The following PTPRC variants were observed in gnomAD, a reference collection of about 807,000 sequenced individuals.
The protein encoded by PTPRC is protein tyrosine phosphatase receptor type C.
In PTPRC, 44 loss-of-function variants were observed where a neutral mutation model predicts 155.9. The observed-to-expected ratio is 0.28, with a 90% CI of 0.22 to 0.36. PTPRC has a LOEUF of 0.36. PTPRC is among the 10% of genes least tolerant of loss of function. PTPRC has a pLI of 1.00. For synonymous variants in PTPRC, 525 were observed against 533.1 expected, an observed-to-expected ratio of 0.98 and a Z score of 0.21; for missense variants, 1,401 against 1,564.6, an observed-to-expected ratio of 0.90 and a Z score of 1.76.
At chr1:198,653,884 T>C (rs1181695041) in intron 2 of PTPRC, among the ~76,000 whole-genome samples, 2 of 151,918 alleles carry the variant, frequency 1.3e-5, no homozygotes, top group Non-Finnish European at 2.9e-5. Flanking sequence ...ATTTTGTCCA[T>C]GAATTTTATC....
chr1:198,664,558 T>C (rs555982049), intron 2 of PTPRC, among the ~76,000 whole-genome samples: 1 of 152,342 alleles, frequency 6.6e-6, no homozygotes, highest in East Asian at 1.9e-4. Context: ...AATAGTCATG[T>C]TACTTGATGA....
chr1:198,691,396 CCTT>C (rs1665916328), intron 2 of PTPRC, among the ~76,000 whole-genome samples: 2 of 152,002 alleles, frequency 1.3e-5, no homozygotes, highest in African/African-American at 4.8e-5. Flanking sequence ...TACTCTTTCT[CCTT>C]TATTCTCACT....
At chr1:198,712,799 C>A (rs1320323661) in intron 11 of PTPRC, 154 bp from the exon 12 acceptor site, 3 of 836,832 alleles carry the variant, frequency 3.6e-6, no homozygotes, top group African/African-American at 1.7e-5. Context: ...TACTCTAAAA[C>A]AAATTAAATG....
chr1:198,648,551 G>A (rs1170972382), intron 2 of PTPRC, among the ~76,000 whole-genome samples: 2 of 151,700 alleles, frequency 1.3e-5, no homozygotes, highest in Non-Finnish European at 2.9e-5. Context: ...ATGGGAGCTG[G>A]TAATTTCTCA....
In PTPRC at chr1:198,718,288, G is replaced by T; in HGVS notation, c.1645G>T (p.Asp549Tyr). 1 of 1,612,512 alleles carries T rather than the reference G, an allele frequency of 6.2e-7. No individual in the cohort carries two copies. Among genetic ancestry groups the T allele is most frequent in the Non-Finnish European group, 8.5e-7 (1 of 1,178,766 alleles). ...FRVKDLQYST[D>Y]YTFKAYFHNG... ...TGTAAAAGATCTTCAATATTCAACA[G>T]ACTACACTTTTAAGGTAAAAGTATG... is the stretch of plus-strand genomic sequence containing the variant. Residue 549 changes from aspartate (D) to tyrosine (Y), a missense_variant, in exon 14 of 33, where the codon GAC (aspartate) becomes TAC (tyrosine). By Grantham distance (160) the Asp-to-Tyr change is radical (BLOSUM62 -3). Coordinates refer to ENST00000442510, the MANE Select transcript of PTPRC (RefSeq NM_002838.5).
chr1:198,719,850 A>G (rs1347210396), intron 14 of PTPRC, among the ~76,000 whole-genome samples: 1 of 152,136 alleles, frequency 6.6e-6, no homozygotes, highest in Non-Finnish European at 1.5e-5. Context: ...ACCTCAAGTA[A>G]TCCGCCTGCC....
Position 198,702,416 on chromosome 1 carries a change from A to T in PTPRC, c.469A>T (p.Thr157Ser). Residue 157 changes from threonine (T) to serine (S), a missense_variant, in exon 6 of 33, where the codon ACC (threonine) becomes TCC (serine). Thr to Ser is a moderately conservative substitution (Grantham distance 58). Coordinates refer to ENST00000442510, the MANE Select transcript of PTPRC (RefSeq NM_002838.5). ...CCCAGGAGAGAGGAGTACAGCCAGC[A>T]CCTTTCCTACAGACCCAGTTTCCCC... ...DVPGERSTAS[T>S]FPTDPVSPLT... 1.3e-5 allele frequency: 21 copies of T among 1,614,042 alleles called. No individual in the cohort carries two copies. The highest frequency in any genetic ancestry group is 1.8e-5 in the Non-Finnish European group (21 of 1,179,994).
chr1:198,642,899 T>TCTTCCTTC (rs776072910), intron 2 of PTPRC, among the ~76,000 whole-genome samples: 3,226 of 105,918 alleles, frequency 0.03, 73 homozygotes, highest in African/African-American at 0.059. Flanking sequence ...TTCTTTTCTT[T>TCTTCCTTC]CTTTCTTCCT....
intron 23 of PTPRC, among the ~76,000 whole-genome samples, chr1:198,735,833 C>T (rs1654611396): frequency 6.6e-6 from 1 of 151,350 alleles, no homozygotes; most frequent in African/African-American, 2.4e-5. Context: ...CAGTGGTTGC[C>T]TGGAGCTGAG....
At chr1:198,749,222 T>C (rs1030461240) in intron 27 of PTPRC, among the ~76,000 whole-genome samples, 194 bp from the exon 28 acceptor site, 1 of 151,802 alleles carries the variant, frequency 6.6e-6, no homozygotes, top group Non-Finnish European at 1.5e-5. Context: ...CCTGGAATCC[T>C]TTTTCTTAGA....
intron 2 of PTPRC, among the ~76,000 whole-genome samples, chr1:198,687,133 T>C (rs1413719199): frequency 5.3e-5 from 8 of 152,234 alleles, no homozygotes; most frequent in African/African-American, 1.9e-4. Flanking sequence ...GCTGGGACTA[T>C]AGGTGTGCAC....
intron 2 of PTPRC, among the ~76,000 whole-genome samples, chr1:198,662,165 T>C (rs533006223): frequency 6.6e-6 from 1 of 152,322 alleles, no homozygotes; most frequent in Non-Finnish European, 1.5e-5. Flanking sequence ...ATTTTATTAA[T>C]AGTAATATCA....
intron 2 of PTPRC, among the ~76,000 whole-genome samples, chr1:198,650,969 G>A (rs16843586): frequency 1.3e-5 from 2 of 151,798 alleles, no homozygotes; most frequent in African/African-American, 2.4e-5. Context: ...AAGGTTGGTT[G>A]TGAACATGCA....
In PTPRC at chr1:198,709,667, G is replaced by A. The variant is rs376142135; in HGVS notation, c.1034-20G>A. The A allele has an allele frequency of 2.6e-5, 39 of 1,522,540 alleles. No individual in the cohort carries two copies. The highest frequency in any genetic ancestry group is 2.2e-4 in the African/African-American group (16 of 72,020). The allele number at this position is 1,522,540 out of a possible 1,614,324, so 94.3% of individuals were successfully genotyped here. On this transcript the variant is annotated intron_variant, in intron 10 of 32. Coordinates refer to ENST00000442510, the MANE Select transcript of PTPRC (RefSeq NM_002838.5). ...AAATATTGCATCGATATATTCATTC[G>A]AAATATTTCTTTATTTCAGGTAATA...
chr1:198,718,433 A>C, intron 14 of PTPRC, 131 bp downstream of exon 14: 1 of 796,460 alleles, frequency 1.3e-6, no homozygotes, highest in Non-Finnish European at 2.0e-6. Flanking sequence ...AATCACACTT[A>C]AAGAGTCTCA....
At chr1:198,719,669 G>A (rs1653783821) in intron 14 of PTPRC, among the ~76,000 whole-genome samples, 1 of 152,012 alleles carries the variant, frequency 6.6e-6, no homozygotes, top group African/African-American at 2.4e-5. Context: ...GGAGTGTGGT[G>A]GCGTGATCTC....
In PTPRC at chr1:198,735,151, T is replaced by G; in HGVS notation, c.2302T>G (p.Ser768Ala). 1 of 1,603,314 alleles carries G rather than the reference T, an allele frequency of 6.2e-7. No individual in the cohort carries two copies. Among genetic ancestry groups the G allele is most frequent in the Non-Finnish European group, 8.5e-7 (1 of 1,173,708 alleles). ...GAACAAGTGTGCAGAATACTGGCCG[T>G]CAATGGAAGAGGGCACTCGGGCTTT... ...NRNKCAEYWP[S>A]MEEGTRAFGD... The change falls in exon 23 of 33, where the codon TCA becomes GCA. Residue 768 changes from serine (S) to alanine (A), a missense_variant. This residue lies in a region of PTPRC where 867 missense variants were observed against 970.4 expected (regional missense o/e 0.89). Transcript: ENST00000442510.
chr1:198,741,767 T>A, intron 23 of PTPRC, 102 bp from the exon 24 acceptor site: 1 of 1,182,110 alleles, frequency 8.5e-7, no homozygotes, highest in Non-Finnish European at 1.2e-6. Flanking sequence ...GTAGTTTATG[T>A]TTACACGAGG....
intron 2 of PTPRC, among the ~76,000 whole-genome samples, chr1:198,642,892 TTTTCTTTC>T (rs200269542): frequency 8.4e-6 from 1 of 119,188 alleles, no homozygotes; most frequent in South Asian, 2.9e-4. Flanking sequence ...ATCTTTTTTC[TTTTCTTTC>T]TTTCTTCCTT....
Sources: allele counts gnomAD v4.1 joint callset (sites outside exome capture counted in the v4.1 genomes callset), GRCh38; gene constraint gnomAD v4.1.1; regional missense constraint gnomAD v4.1.1; transcripts MANE v1.5; gene names NCBI Gene and HGNC (gene_info 2026-07-23, HGNC 2026-07-21).